The following HIVEP1 variants were observed in gnomAD, a reference collection of about 807,000 sequenced individuals.
HIVEP1 encodes the protein zinc finger protein 40.
In HIVEP1, 36 loss-of-function variants were observed where a neutral mutation model predicts 180.0. The observed-to-expected ratio is 0.20, with a 90% confidence interval of 0.15 to 0.26. The LOEUF is 0.26. Ranked by LOEUF, HIVEP1 falls within the 10% of genes least tolerant of loss-of-function variation. The pLI is 1.00. For synonymous variants in HIVEP1, 1,239 were observed against 1,239.0 expected (o/e 1.00, Z 0.00); for missense variants, 3,143 against 3,268.7 (o/e 0.96, Z 0.94).
At chr6:12,167,647 A>ACGT (rs1760748486), downstream of HIVEP1, among the ~76,000 whole-genome samples, 2 of 95,264 alleles carry the variant, frequency 2.1e-5, no homozygotes, top group Admixed American at 1.1e-4. Context: ...ATACATATAC[A>ACGT]TATATATGTT....
chr6:12,152,990 A>T (rs372940128), intron 7 of HIVEP1, among the ~76,000 whole-genome samples: 2 of 152,278 alleles, frequency 1.3e-5, no homozygotes, highest in African/African-American at 4.8e-5. Context: ...TTATTTGCAT[A>T]TGCTAAAAAA....
downstream of HIVEP1, among the ~76,000 whole-genome samples, chr6:12,168,331 ATAAT>A (rs1353847473): frequency 9.3e-5 from 3 of 32,248 alleles, no homozygotes; most frequent in Non-Finnish European, 2.2e-4. Context: ...TATATATTAT[ATAAT>A]TATATATACA....
intron 7 of HIVEP1, among the ~76,000 whole-genome samples, chr6:12,154,827 T>A (rs1044253671): frequency 2.0e-5 from 3 of 152,194 alleles, no homozygotes; most frequent in Non-Finnish European, 4.4e-5. Flanking sequence ...AATAAATTTT[T>A]TAAAAATTGT....
chr6:12,119,904 G>A lies in HIVEP1; in HGVS notation c.109G>A (p.Gly37Ser). 6.4e-7 allele frequency: 1 copy of A among 1,559,546 alleles called. No homozygotes were observed. The highest frequency in any genetic ancestry group is 8.6e-7 in the Non-Finnish European group (1 of 1,158,790). The change falls in exon 4 of 9, where the codon GGT (glycine) becomes AGT (serine). Residue 37 changes from glycine to serine, a missense_variant. Coordinates refer to ENST00000379388, the MANE Select transcript of HIVEP1 (RefSeq NM_002114.4). ...EVSKKEILQA[G>S]VKGTSESLKG... is the part of the protein sequence containing the mutation. ...GTTTTTTCCAGAAATCTTACAGGCTGGTGTTAAAGGAACTTCGGAATCCCT... is the reference window on the plus strand; with the variant it reads ...GTTTTTTCCAGAAATCTTACAGGCTAGTGTTAAAGGAACTTCGGAATCCCT...
chr6:12,033,215 T>C (rs1769068892), intron 2 of HIVEP1, among the ~76,000 whole-genome samples: 1 of 152,224 alleles, frequency 6.6e-6, no homozygotes, highest in Non-Finnish European at 1.5e-5. Context: ...GTAGGCTAGG[T>C]TGTTACAATG....
At chr6:12,142,906 A>G (rs1425976267) in intron 7 of HIVEP1, among the ~76,000 whole-genome samples, 1 of 152,146 alleles carries the variant, frequency 6.6e-6, no homozygotes, top group Non-Finnish European at 1.5e-5. Flanking sequence ...GCTACCAACC[A>G]AAAAAAGTCC....
intron 2 of HIVEP1, among the ~76,000 whole-genome samples, chr6:12,027,415 C>T (rs555651918): frequency 1.8e-4 from 28 of 152,164 alleles, no homozygotes; most frequent in Admixed American, 4.6e-4. Context: ...TTAGTCTTGC[C>T]AGAAATATTT....
chr6:12,040,949 C>T (rs1358548246), intron 2 of HIVEP1, among the ~76,000 whole-genome samples: 2 of 152,164 alleles, frequency 1.3e-5, no homozygotes, highest in Admixed American at 6.5e-5. Context: ...GAAGACAGTA[C>T]CAAGCCATGA....
At chr6:12,145,623 T>C (rs1195189258) in intron 7 of HIVEP1, among the ~76,000 whole-genome samples, 1 of 151,762 alleles carries the variant, frequency 6.6e-6, no homozygotes, top group Non-Finnish European at 1.5e-5. Context: ...CCTTCCTGAA[T>C]ATAAATATAT....
Position 12,124,784 on chromosome 6 carries a change from T to C in HIVEP1, c.4989T>C (p.Asp1663=). The change falls in exon 4 of 9, where the codon GAT becomes GAC. Residue 1663 remains aspartate, a synonymous_variant. Coordinates refer to ENST00000379388, the MANE Select transcript of HIVEP1 (RefSeq NM_002114.4). ...TSLPQILVTQ[D]LPNQPICQTN... is the part of the protein sequence containing the mutation. ...TGCCACAAATACTAGTGACCCAAGA[T>C]CTGCCCAATCAGCCAATTTGCCAGA... is the stretch of plus-strand genomic sequence containing the variant. 6.2e-7 allele frequency: 1 copy of C among 1,614,186 alleles called. No individual in the cohort carries two copies. The highest frequency in any genetic ancestry group is 1.6e-4 in the Middle Eastern group (1 of 6,062).
intron 6 of HIVEP1, 60 bp downstream of exon 6, chr6:12,131,002 AC>A (rs139225628): frequency 0.038 from 47,456 of 1,244,534 alleles, 1,063 homozygotes; most frequent in Middle Eastern, 0.049. Context: ...GAAAGCTAAA[AC>A]CCAACTGTGC....
upstream of HIVEP1, chr6:12,008,551 G>A (rs970316632): frequency 1.3e-5 from 2 of 152,106 alleles, no homozygotes; most frequent in Admixed American, 1.3e-4. Context: ...CTCACTGCGG[G>A]GCTAAGGAGT....
intron 2 of HIVEP1, among the ~76,000 whole-genome samples, chr6:12,069,063 C>T (rs1771792176): frequency 6.6e-6 from 1 of 152,188 alleles, no homozygotes. Flanking sequence ...CAATGGGATA[C>T]ATTCTGAGAA....
the HIVEP1 span, among the ~76,000 whole-genome samples, chr6:12,173,364 T>C: frequency 6.6e-6 from 1 of 152,172 alleles, no homozygotes; most frequent in Non-Finnish European, 1.5e-5. Flanking sequence ...TTAAACATAT[T>C]TCTCCTAGGA....
the HIVEP1 span, among the ~76,000 whole-genome samples, chr6:12,202,138 T>C: frequency 6.6e-5 from 10 of 152,046 alleles, no homozygotes; most frequent in Non-Finnish European, 1.5e-5. Context: ...TCATAGACTC[T>C]TTTCTTCTAT....
chr6:12,131,829 A>G lies in HIVEP1; in HGVS notation c.6385+887A>G, dbSNP rs555310048. On this transcript the variant is annotated intron_variant, in intron 6 of 8. Coordinates refer to ENST00000379388, the MANE Select transcript of HIVEP1 (RefSeq NM_002114.4). ...AATTAATTGATTTTTAAAAATAGAA[A>G]CAACTTTTATCCTTTGAGTTAACAT... 9.3e-5 allele frequency among the ~76,000 whole-genome samples: 14 copies of G among 151,248 alleles called. 1 individual carries two copies. Among genetic ancestry groups the G allele is most frequent in the Non-Finnish European group, 4.4e-5 (3 of 67,768 alleles).
intron 2 of HIVEP1, among the ~76,000 whole-genome samples, chr6:12,028,599 A>G (rs1407863082): frequency 6.6e-6 from 1 of 152,216 alleles, no homozygotes; most frequent in African/African-American, 2.4e-5. Context: ...AGGGTTTGCA[A>G]TAAGTTGTAT....
chr6:12,211,414 AG>A, the HIVEP1 span, among the ~76,000 whole-genome samples: 124 of 33,572 alleles, frequency 3.7e-3, 6 homozygotes, highest in Middle Eastern at 0.017. Flanking sequence ...AAAAAAAAAA[AG>A]AAAAAGAAAA....
the HIVEP1 span, among the ~76,000 whole-genome samples, chr6:12,209,155 C>A: frequency 2.0e-5 from 3 of 152,218 alleles, no homozygotes; most frequent in Admixed American, 1.3e-4. Context: ...AAACCATCCA[C>A]CTCCTACCAT....
Sources: gnomAD v4.1 joint callset for allele counts (sites outside exome capture counted in the v4.1 genomes callset) on GRCh38, gnomAD v4.1.1 for gene constraint, MANE v1.5 for transcripts, NCBI Gene and HGNC (gene_info 2026-07-23, HGNC 2026-07-21) for gene names.